The following INPP5A variants were observed in gnomAD, a reference collection of about 807,000 sequenced individuals.
INPP5A encodes the protein 43 kDa inositol polyphosphate 5-phophatase.
In INPP5A, 14 loss-of-function variants were observed where a neutral mutation model predicts 65.2. The observed-to-expected ratio is 0.21, with a 90% CI of 0.14 to 0.34. The LOEUF (loss-of-function observed/expected upper bound fraction) is 0.34, where lower values mean the gene tolerates loss of function less well. Ranked by LOEUF, INPP5A falls within the 10% of genes least tolerant of loss-of-function variation. The pLI, the probability that INPP5A is intolerant of heterozygous loss-of-function variation, is 1.00. For missense variants in INPP5A, 431 were observed against 545.6 expected, an observed-to-expected ratio of 0.79 and a Z score of 2.09; for synonymous variants, 207 against 208.3, an observed-to-expected ratio of 0.99 and a Z score of 0.05.
intron 1 of INPP5A, among the ~76,000 whole-genome samples, chr10:132,582,691 G>GT (rs1173479175): frequency 6.6e-6 from 1 of 152,198 alleles, no homozygotes; most frequent in Non-Finnish European, 1.5e-5. Flanking sequence ...AAAGTGCTGG[G>GT]TTTACAGGCA....
chr10:132,755,482 G>A (rs1176855903), intron 11 of INPP5A, among the ~76,000 whole-genome samples: 5 of 145,584 alleles, frequency 3.4e-5, no homozygotes, highest in East Asian at 4.0e-4. Flanking sequence ...GCAGGCATAC[G>A]CATATGAGTG....
Position 132,762,842 on chromosome 10 carries a change from TAGC to T in INPP5A, c.904-2928_904-2926del, listed in dbSNP as rs1231902280. 6.6e-6 allele frequency among the ~76,000 whole-genome samples: 1 copy of T among 151,938 alleles called. No homozygotes were observed. The highest frequency in any genetic ancestry group is 1.5e-5 in the Non-Finnish European group (1 of 67,976). ...CCCGTCTCTACAAAAAATAAAGACT[TAGC>T]AGGAGTGGTGGCACACGCCTGTAAT... On this transcript the variant is annotated intron_variant, in intron 11 of 15. Transcript: ENST00000368594. This position sits in a 1 kb window ranked among gnomAD's most constrained non-coding sequence, Gnocchi z 4.6.
intron 4 of INPP5A, among the ~76,000 whole-genome samples, chr10:132,660,105 G>A: frequency 6.6e-6 from 1 of 152,260 alleles, no homozygotes. Context: ...ACATTATAAT[G>A]ATGTAAATAT....
intron 1 of INPP5A, among the ~76,000 whole-genome samples, chr10:132,590,316 GTGA>G (rs569840794): frequency 5.2e-4 from 79 of 152,214 alleles, no homozygotes; most frequent in African/African-American, 1.9e-3. Flanking sequence ...GTCTCCGTCT[GTGA>G]TGATGCCGTT....
In INPP5A at chr10:132,553,876, T is replaced by G. The variant is rs575295817; in HGVS notation, c.75+15705T>G. Among the ~76,000 whole-genome samples, 4 of 146,256 alleles carry G rather than the reference T, an allele frequency of 2.7e-5. No individual in the cohort carries two copies. The South Asian group carries it at 6.6e-4, about 24-fold the overall frequency. ...CCTTCTCAGAGCCTTGGTGGCATAT[T>G]GGGTAGGATAGGGAGGGAGGATTGG... On this transcript the variant is annotated intron_variant, in intron 1 of 15. Transcript: ENST00000368594.
chr10:132,750,024 C>G lies in INPP5A; in HGVS notation c.903+179C>G, dbSNP rs116813289. Among the ~76,000 whole-genome samples, 6 of 152,228 alleles carry G rather than the reference C, an allele frequency of 3.9e-5. No homozygotes were observed. The East Asian group carries it at 1.2e-3, about 29-fold the overall frequency. On this transcript the variant is annotated intron_variant, in intron 11 of 15. Transcript: ENST00000368594. Reference sequence around the variant, plus strand: ...CACATATTGGGTGCGTCCGGCACCCCGGGCCAGGTTGGGTGGAGGCTCCGT... The same window carrying G: ...CACATATTGGGTGCGTCCGGCACCCGGGGCCAGGTTGGGTGGAGGCTCCGT...
At chr10:132,604,249 T>C (rs2071813301) in intron 1 of INPP5A, among the ~76,000 whole-genome samples, 2 of 145,242 alleles carry the variant, frequency 1.4e-5, no homozygotes, top group South Asian at 4.5e-4. Context: ...CACGGTCCCC[T>C]CTCCATCCTG....
chr10:132,752,299 C>T (rs1157375808), intron 11 of INPP5A, among the ~76,000 whole-genome samples: 1 of 151,804 alleles, frequency 6.6e-6, no homozygotes, highest in African/African-American at 2.4e-5. Context: ...CAGGGAAGCC[C>T]AGGGAGATGG....
intron 4 of INPP5A, among the ~76,000 whole-genome samples, chr10:132,689,976 G>A (rs562621092): frequency 2.8e-4 from 42 of 152,214 alleles, no homozygotes; most frequent in Admixed American, 2.3e-3. Context: ...CTCAATGCCC[G>A]GCCGGTGGGA....
chr10:132,693,924 A>G (rs1236145749), intron 5 of INPP5A, among the ~76,000 whole-genome samples: 1 of 152,226 alleles, frequency 6.6e-6, no homozygotes, highest in Admixed American at 6.5e-5. Flanking sequence ...TGAACCCACT[A>G]TCATAGTTAG....
intron 12 of INPP5A, among the ~76,000 whole-genome samples, chr10:132,767,790 C>G (rs191368727): frequency 1.3e-5 from 2 of 149,612 alleles, no homozygotes; most frequent in East Asian, 4.0e-4. Flanking sequence ...CCCCGACCCT[C>G]TGCATTCCCA....
At chr10:132,665,201 G>A (rs555506163) in intron 4 of INPP5A, among the ~76,000 whole-genome samples, 12 of 152,202 alleles carry the variant, frequency 7.9e-5, no homozygotes, top group African/African-American at 1.4e-4. Context: ...GGGGACAGAC[G>A]GAGCACTTCA....
rs548817708 is a variant in INPP5A, at chr10:132,596,920, T to C, written c.76-10995T>C. The stretch of plus-strand genomic sequence containing the variant: ...AGGCTCCTGTGCATGTGTGCATGTG[T>C]GCGCGCATGTGCACGCATGTGTGCG... On this transcript the variant is annotated intron_variant, in intron 1 of 15. Transcript: ENST00000368594. 8.5e-3 allele frequency among the ~76,000 whole-genome samples: 230 copies of C among 27,174 alleles called. 1 individual carries two copies. In the South Asian group the frequency reaches 0.085, roughly 10 times the overall value. The allele number at this position is 27,174 out of a possible 152,430, so 17.8% of individuals were successfully genotyped here. A position where few individuals can be genotyped will look rare whatever the true frequency, so the allele number is the denominator to read the frequency against.
intron 8 of INPP5A, among the ~76,000 whole-genome samples, chr10:132,710,707 G>A (rs1845620998): frequency 6.6e-6 from 1 of 151,084 alleles, no homozygotes; most frequent in Non-Finnish European, 1.5e-5. Context: ...ATGGCAGGTA[G>A]GTGTGCTGGG....
chr10:132,598,656 T>C (rs2071739374), intron 1 of INPP5A, among the ~76,000 whole-genome samples: 1 of 152,268 alleles, frequency 6.6e-6, no homozygotes, highest in Admixed American at 6.5e-5. Context: ...AGCTTCTGGC[T>C]GATTGTGGGT....
chr10:132,771,659 C>T lies in INPP5A; in HGVS notation c.977+5813C>T, dbSNP rs74197171. Among the ~76,000 whole-genome samples the T allele has an allele frequency of 9.6e-3, 1,093 of 113,920 alleles. 6 individuals are homozygous for T. The highest frequency in any genetic ancestry group is 0.02 in the Middle Eastern group (4 of 196). 74.7% of individuals were successfully genotyped at this position (113,920 alleles called of 152,430 possible). On this transcript the variant is annotated intron_variant, in intron 12 of 15. Coordinates refer to ENST00000368594, the MANE Select transcript of INPP5A (RefSeq NM_005539.5). ...CACGGAGGCCCCGGCAGCCGCCCCGCGAAGAGTGGGACAGACACTCAGCAC... is the reference window on the plus strand; with the variant it reads ...CACGGAGGCCCCGGCAGCCGCCCCGTGAAGAGTGGGACAGACACTCAGCAC...
chr10:132,581,949 T>C (rs952538113), intron 1 of INPP5A, among the ~76,000 whole-genome samples: 5 of 152,070 alleles, frequency 3.3e-5, no homozygotes, highest in African/African-American at 4.8e-5. Flanking sequence ...GCCATTCTCC[T>C]GCCTCAGCTT....
rs945251610 is a variant in INPP5A, at chr10:132,643,476, G to A, written c.118-2392G>A. Among the ~76,000 whole-genome samples, 5 of 151,698 alleles carry A rather than the reference G, an allele frequency of 3.3e-5. No homozygotes were observed. In the East Asian group the frequency reaches 9.6e-4, roughly 29 times the overall value. On this transcript the variant is annotated intron_variant, in intron 2 of 15. Coordinates refer to ENST00000368594, the MANE Select transcript of INPP5A (RefSeq NM_005539.5). Reference sequence around the variant, plus strand: ...GATCACACTACTGTACTCCAGCCTGGGCAACAGAGTGAGACCCTGTCTCAA... The same window carrying A: ...GATCACACTACTGTACTCCAGCCTGAGCAACAGAGTGAGACCCTGTCTCAA...
Position 132,650,440 on chromosome 10 carries a change from A to G in INPP5A, c.241A>G (p.Met81Val), listed in dbSNP as rs1205502333. Residue 81 changes from methionine (M) to valine (V), a missense_variant, in exon 4 of 16, where the codon ATG becomes GTG. Transcript: ENST00000368594. The surrounding 1 kb of genome is among the most constrained non-coding windows in gnomAD (Gnocchi z 5.5). ...CAGAGAACTATTGTCGAGTGATGCG[A>G]TGAAAGAATATAACAGGGCTCGAGT... ...FVKELLSSDA[M>V]KEYNRARVYL... The G allele has an allele frequency of 2.5e-6, 4 of 1,613,704 alleles. No individual in the cohort carries two copies. The East Asian group carries it at 6.7e-5, about 27-fold the overall frequency.
Sources: allele counts gnomAD v4.1 joint callset (sites outside exome capture counted in the v4.1 genomes callset), GRCh38; gene constraint gnomAD v4.1.1; non-coding constraint Gnocchi (gnomAD v3.1); transcripts MANE v1.5; gene names NCBI Gene and HGNC (gene_info 2026-07-23, HGNC 2026-07-21).